EEF2: variants seen among roughly 807,000 people sequenced by gnomAD.
EEF2 encodes the protein elongation factor 2.
EEF2 carries 21 observed loss-of-function variants against 85.3 expected under a neutral mutation model. That is an observed-to-expected ratio of 0.25 (90% CI 0.17 to 0.35). The LOEUF is 0.35. Ranked by LOEUF, EEF2 falls within the 10% of genes least tolerant of loss-of-function variation. The probability of loss-of-function intolerance (pLI) is 1.00; values close to 1 mark genes in which losing one functional copy is unlikely to be tolerated. For missense variants in EEF2, 825 were observed against 1,225.3 expected, an observed-to-expected ratio of 0.67 and a Z score of 4.88; for synonymous variants, 723 against 508.8, an observed-to-expected ratio of 1.42 and a Z score of -5.67.
At chr19:3,981,853 C>T (rs112473658) in intron 6 of EEF2, 94 bp downstream of exon 6, 62 of 1,153,450 alleles carry the variant, frequency 5.4e-5, no homozygotes, top group South Asian at 2.0e-4. Flanking sequence ...CACAAGGAGA[C>T]GGGCCCAGTC....
chr19:3,979,754 A>G lies in EEF2; in HGVS notation c.1605+54T>C. Reference sequence around the variant, plus strand: ...AACCCACACAGCCACAACTCAGGACACAAGCCGTCCCCCCTCAGGGTGTCT... The same window carrying G: ...AACCCACACAGCCACAACTCAGGACGCAAGCCGTCCCCCCTCAGGGTGTCT... On this transcript the variant is annotated intron_variant, in intron 10 of 14. Transcript: ENST00000309311. The G allele has an allele frequency of 5.1e-6, 8 of 1,580,838 alleles. No homozygotes were observed. In the South Asian group the frequency reaches 9.1e-5, roughly 18 times the overall value.
In EEF2 at chr19:3,983,158, C is replaced by T. The variant is rs2039776990; in HGVS notation, c.352G>A (p.Ala118Thr). Reference protein sequence around the residue: ...HVDFSSEVTAALRVTDGALVV... With the variant: ...HVDFSSEVTATLRVTDGALVV... Reference sequence around the variant, plus strand: ...AATGCGCCATCGGTGACTCGGAGGGCAGCAGTCACCTCCGAGGAGAAGTCG... The same window carrying T: ...AATGCGCCATCGGTGACTCGGAGGGTAGCAGTCACCTCCGAGGAGAAGTCG... Residue 118 changes from alanine (A) to threonine (T), a missense_variant, in exon 3 of 15, where the codon GCC (alanine) becomes ACC (threonine). Coordinates refer to ENST00000309311, the MANE Select transcript of EEF2 (RefSeq NM_001961.4). 1 of 1,614,008 alleles carries T rather than the reference C, an allele frequency of 6.2e-7. No homozygotes were observed. The highest frequency in any genetic ancestry group is 1.7e-5 in the Admixed American group (1 of 60,002).
Position 3,980,850 on chromosome 19 carries a change from C to A in EEF2, c.1141G>T (p.Ala381Ser), listed in dbSNP as rs897230586. 6.4e-7 allele frequency: 1 copy of A among 1,566,514 alleles called. No homozygotes were observed. The highest frequency in any genetic ancestry group is 8.6e-7 in the Non-Finnish European group (1 of 1,157,210). The change falls in exon 8 of 15, where the codon GCT becomes TCT. Residue 381 changes from alanine to serine, a missense_variant. Coordinates refer to ENST00000309311, the MANE Select transcript of EEF2 (RefSeq NM_001961.4). The part of the protein sequence containing the change: ...LLYEGPPDDE[A>S]AMGIKSCDPK... ...CACCGGGACCACGTACCCATGGCAGCCTCGTCGTCCGGGGGCCCCTCGTAC... is the reference window on the plus strand; with the variant it reads ...CACCGGGACCACGTACCCATGGCAGACTCGTCGTCCGGGGGCCCCTCGTAC...
chr19:3,980,218 C>T (rs2039727960), intron 9 of EEF2, 152 bp from the exon 10 acceptor site: 1 of 1,213,502 alleles, frequency 8.2e-7, no homozygotes, highest in Non-Finnish European at 1.1e-6. Flanking sequence ...TGCGTCGGGG[C>T]TGTCAGGAAA....
intron 2 of EEF2, 141 bp from the exon 3 acceptor site, chr19:3,983,432 TCCTTTGC>T (rs2145366248): frequency 1.1e-6 from 1 of 893,590 alleles, no homozygotes; most frequent in African/African-American, 1.7e-5. Flanking sequence ...CCCACCCTTG[TCCTTTGC>T]CTCTGTCCGA....
At chr19:3,983,361 C>A in intron 2 of EEF2, 70 bp from the exon 3 acceptor site, 12 of 1,515,006 alleles carry the variant, frequency 7.9e-6, no homozygotes, top group South Asian at 2.5e-5. Context: ...GGGATGCTGT[C>A]AGAAGCCAGG....
In EEF2 at chr19:3,979,332, G is replaced by T; in HGVS notation, c.1710C>A (p.Ile570=). 1 of 1,613,720 alleles carries T rather than the reference G, an allele frequency of 6.2e-7. No individual in the cohort carries two copies. The highest frequency in any genetic ancestry group is 8.5e-7 in the Non-Finnish European group (1 of 1,179,686). ...AGGCTGGTCACTGGCGCCTCACCTT[G>T]ATGGGGATGCAGGCGTGGTCCTCCT... ...DLEEDHACIP[I]KKSDPVVSYR... is the part of the protein sequence containing the mutation. Residue 570 remains isoleucine, a synonymous_variant, in exon 11 of 15, where the codon ATC becomes ATA. Transcript: ENST00000309311.
At chr19:3,984,399 A>T (rs1272028285) in intron 1 of EEF2, 49 bp from the exon 2 acceptor site, 1 of 1,589,576 alleles carries the variant, frequency 6.3e-7, no homozygotes, top group African/African-American at 1.3e-5. Context: ...CCAGGAACAC[A>T]GCATGGCACG....
chr19:3,981,176 G>A (rs1489398329), intron 7 of EEF2, among the ~76,000 whole-genome samples, 163 bp downstream of exon 7: 2 of 152,250 alleles, frequency 1.3e-5, no homozygotes, highest in Non-Finnish European at 2.9e-5. Context: ...GGATGGGGCT[G>A]GCTGCTGGGA....
At position 3,977,481 on chromosome 19, in the gene EEF2, C is replaced by A; in HGVS notation, c.2197G>T (p.Val733Leu). ...PTARRCLYAS[V>L]LTAQPRLMEP... ...ATGAGGCGTGGCTGGGCGGTCAGCA[C>A]ACTGGCATAGAGGCAGCGCCGTGCT... is the stretch of plus-strand genomic sequence containing the variant. The change falls in exon 13 of 15, where the codon GTG becomes TTG. Residue 733 changes from valine to leucine, a missense_variant. Val to Leu is a conservative substitution (Grantham distance 32, BLOSUM62 1). Transcript: ENST00000309311. This position sits in a 1 kb window ranked among gnomAD's most constrained non-coding sequence, Gnocchi z 5.4. 6.3e-7 allele frequency: 1 copy of A among 1,586,814 alleles called. No homozygotes were observed. Among genetic ancestry groups the A allele is most frequent in the Non-Finnish European group, 8.5e-7 (1 of 1,169,668 alleles).
At chr19:3,985,166 G>C (rs1008077947) in intron 1 of EEF2, 2 of 480,074 alleles carry the variant, frequency 4.2e-6, no homozygotes, top group Non-Finnish European at 3.5e-6. Flanking sequence ...TCTGGGCAAG[G>C]TTATGGCGCC....
In EEF2 at chr19:3,982,796, G is replaced by T; in HGVS notation, c.612+11C>A. The T allele has an allele frequency of 1.2e-6, 2 of 1,605,994 alleles. No homozygotes were observed. Among genetic ancestry groups the T allele is most frequent in the South Asian group, 2.2e-5 (2 of 90,080 alleles). On this transcript the variant is annotated intron_variant, in intron 4 of 14. Transcript: ENST00000309311. ...GCGGCAAGCCCACCACCCAGCTAGGGAGGGCCGTACCATGATGTTGCCCAT... is the reference window on the plus strand; with the variant it reads ...GCGGCAAGCCCACCACCCAGCTAGGTAGGGCCGTACCATGATGTTGCCCAT...
At position 3,977,565 on chromosome 19, in the gene EEF2, G is replaced by A. The variant is rs200627243; in HGVS notation, c.2113C>T (p.His705Tyr). 11 of 1,570,692 alleles carry A rather than the reference G, an allele frequency of 7.0e-6. No individual in the cohort carries two copies. Among genetic ancestry groups the A allele is most frequent in the East Asian group, 2.2e-5 (1 of 44,460 alleles). Residue 705 changes from histidine to tyrosine, a missense_variant, in exon 13 of 15, where the codon CAC becomes TAC. Physicochemically the swap from His to Tyr is moderately conservative, Grantham distance 83 (BLOSUM62 2). Coordinates refer to ENST00000309311, the MANE Select transcript of EEF2 (RefSeq NM_001961.4). The surrounding 1 kb of genome is among the most constrained non-coding windows in gnomAD (Gnocchi z 5.4). ...GCGTCGGCGTGCAGGGTGACGTCGT[G>A]GACGTCGAAGCGCACACCCCGCATG... ...ENMRGVRFDV[H>Y]DVTLHADAIH...
rs764814604 is a variant in EEF2 at position 3,977,648 on chromosome 19, C to T, written c.2068-38G>A. 37 of 1,483,604 alleles carry T rather than the reference C, an allele frequency of 2.5e-5. No individual in the cohort carries two copies. Among genetic ancestry groups the T allele is most frequent in the Non-Finnish European group, 2.9e-5 (33 of 1,122,804 alleles). 91.9% of individuals were successfully genotyped at this position (1,483,604 alleles called of 1,614,324 possible). ...GAGAGCCACCGTCAAGGGCCGGACA[C>T]ACCTCGGCTGCTTGCCCTCCACCTG... is the stretch of plus-strand genomic sequence containing the variant. On this transcript the variant is annotated intron_variant, in intron 12 of 14. Transcript: ENST00000309311. This position sits in a 1 kb window ranked among gnomAD's most constrained non-coding sequence, Gnocchi z 5.4.
At chr19:3,982,764 T>C (rs2039770649) in intron 4 of EEF2, 43 bp downstream of exon 4, 1 of 1,574,976 alleles carries the variant, frequency 6.3e-7, no homozygotes, top group Non-Finnish European at 8.6e-7. Flanking sequence ...CTCCTGCAGA[T>C]CCCGCTGCGG....
intron 6 of EEF2, 107 bp from the exon 7 acceptor site, chr19:3,981,559 C>G: frequency 9.3e-7 from 1 of 1,075,264 alleles, no homozygotes; most frequent in Non-Finnish European, 1.4e-6. Flanking sequence ...GGACGCAGCA[C>G]GGGAGCAGGA....
chr19:3,976,635 G>A lies in EEF2; in HGVS notation c.2496C>T (p.Ser832=), dbSNP rs147759681. The A allele has an allele frequency of 8.7e-5, 140 of 1,609,890 alleles. No individual in the cohort carries two copies. The African/African-American group carries it at 1.6e-3, about 18-fold the overall frequency. The change falls in exon 15 of 15, where the codon AGC becomes AGT. Residue 832 remains serine, a synonymous_variant. Coordinates refer to ENST00000309311, the MANE Select transcript of EEF2 (RefSeq NM_001961.4). ...GCTTGCGGGTCTCCGCCACCACCTG[G>A]CTGGGGCGGCTGCTGTTGTCGAAGG... The part of the protein sequence containing the change: ...GDPFDNSSRP[S]QVVAETRKRK...
Position 3,985,416 on chromosome 19 carries a change from CG to C in EEF2, c.-37del. ...GGCGGTGGATTCTCCCAGGTAGAACCGAAAGAAGCGAGTCGCGCCGAGGATG... is the reference window on the plus strand; with the variant it reads ...GGCGGTGGATTCTCCCAGGTAGAACCAAAGAAGCGAGTCGCGCCGAGGATG... On this transcript the variant is annotated 5_prime_UTR_variant, in exon 1 of 15. Transcript: ENST00000309311. 6.8e-7 allele frequency: 1 copy of C among 1,480,794 alleles called. No individual in the cohort carries two copies. The highest frequency in any genetic ancestry group is 9.0e-7 in the Non-Finnish European group (1 of 1,109,066). The allele number at this position is 1,480,794 out of a possible 1,614,324, so 91.7% of individuals were successfully genotyped here.
intron 6 of EEF2, 99 bp downstream of exon 6, chr19:3,981,848 G>A: frequency 2.7e-6 from 3 of 1,096,946 alleles, no homozygotes; most frequent in South Asian, 1.4e-5. Context: ...TGCCCCACAA[G>A]GAGACGGGCC....
Sources: gnomAD v4.1 joint callset for allele counts (sites outside exome capture counted in the v4.1 genomes callset) on GRCh38, gnomAD v4.1.1 for gene constraint, Gnocchi (gnomAD v3.1) non-coding constraint, MANE v1.5 for transcripts, NCBI Gene and HGNC (gene_info 2026-07-23, HGNC 2026-07-21) for gene names.